SAPCD1: variants seen among roughly 807,000 people sequenced by gnomAD.
SAPCD1 encodes suppressor APC domain-containing protein 1.
In SAPCD1, 16 loss-of-function variants were observed where a neutral mutation model predicts 20.7. The observed-to-expected ratio is 0.77, with a 90% confidence interval of 0.52 to 1.17. The LOEUF is 1.17. SAPCD1 is among the 50% of genes most tolerant of loss of function. The probability of loss-of-function intolerance (pLI) is 0.00; values close to 1 mark genes in which losing one functional copy is unlikely to be tolerated. For synonymous variants in SAPCD1, 77 were observed against 84.8 expected, an observed-to-expected ratio of 0.91 and a Z score of 0.50; for missense variants, 173 against 209.9, an observed-to-expected ratio of 0.82 and a Z score of 1.09.
At position 31,763,445 on chromosome 6, in the gene SAPCD1, C is replaced by G. The variant is rs775599390; in HGVS notation, c.145C>G (p.Gln49Glu). The change falls in exon 2 of 5, where the codon CAG becomes GAG. Residue 49 changes from glutamine to glutamate, a missense_variant. Gln to Glu is a conservative substitution (Grantham distance 29). Coordinates refer to ENST00000415669, the Ensembl canonical transcript of SAPCD1. The surrounding 1 kb of genome is among the most constrained non-coding windows in gnomAD (Gnocchi z 4.9). ...CAGGATGCAGGCTCTGGAGAGAGAA[C>G]AGGATGCCCTGTGGCAGGGTCTGGA... 13 of 1,613,050 alleles carry G rather than the reference C, an allele frequency of 8.1e-6. No individual in the cohort carries two copies. Among genetic ancestry groups the G allele is most frequent in the Non-Finnish European group, 9.3e-6 (11 of 1,180,030 alleles).
Position 31,763,125 on chromosome 6 carries a change from G to A in SAPCD1, c.71G>A (p.Gly24Glu). 3.2e-6 allele frequency: 5 copies of A among 1,566,154 alleles called. No individual in the cohort carries two copies. The highest frequency in any genetic ancestry group is 4.3e-6 in the Non-Finnish European group (5 of 1,162,326). Residue 24 changes from glycine (G) to glutamate (E), a missense_variant, in exon 1 of 5, where the codon GGG becomes GAG. Coordinates refer to ENST00000415669, the Ensembl canonical transcript of SAPCD1. The surrounding 1 kb of genome is among the most constrained non-coding windows in gnomAD (Gnocchi z 4.9). The stretch of plus-strand genomic sequence containing the variant: ...TACACAGTCCTGCTGCTGCCGCTGG[G>A]GACAAGCCGCCAAGACCCAGGGGCC...
Position 31,764,477 on chromosome 6 carries a change from G to A in SAPCD1, c.483G>A (p.Glu161=). 6.2e-7 allele frequency: 1 copy of A among 1,614,164 alleles called. No individual in the cohort carries two copies. Among genetic ancestry groups the A allele is most frequent in the Non-Finnish European group, 8.5e-7 (1 of 1,180,030 alleles). ...AGAAAGGAGTCACCCAGCCAAAGGAGGAGATGGCTCAGCGGGGCTGCACCA... is the reference window on the plus strand; with the variant it reads ...AGAAAGGAGTCACCCAGCCAAAGGAAGAGATGGCTCAGCGGGGCTGCACCA... The change falls in exon 5 of 5, where the codon GAG becomes GAA. Residue 161 remains glutamate, a synonymous_variant. Coordinates refer to ENST00000415669, the Ensembl canonical transcript of SAPCD1. This position sits in a 1 kb window ranked among gnomAD's most constrained non-coding sequence, Gnocchi z 4.7.
Position 31,763,144 on chromosome 6 carries a change from A to G in SAPCD1, c.90A>G (p.Pro30=). 6.4e-7 allele frequency: 1 copy of G among 1,567,462 alleles called. No homozygotes were observed. The highest frequency in any genetic ancestry group is 8.6e-7 in the Non-Finnish European group (1 of 1,162,240). ...CGCTGGGGACAAGCCGCCAAGACCCAGGGGCCCAGAGCTTCTTCCTTTGGG... is the reference window on the plus strand; with the variant it reads ...CGCTGGGGACAAGCCGCCAAGACCCGGGGGCCCAGAGCTTCTTCCTTTGGG... Residue 30 remains proline (P), a synonymous_variant, in exon 1 of 5, where the codon CCA becomes CCG. Transcript: ENST00000415669. This position sits in a 1 kb window ranked among gnomAD's most constrained non-coding sequence, Gnocchi z 4.9.
chr6:31,764,620 C>A lies in SAPCD1; in HGVS notation c.*89C>A. The A allele has an allele frequency of 1.1e-6, 1 of 897,102 alleles. No individual in the cohort carries two copies. The highest frequency in any genetic ancestry group is 1.7e-6 in the Non-Finnish European group (1 of 582,530). The allele number at this position is 897,102 out of a possible 1,614,324, so 55.6% of individuals were successfully genotyped here. On this transcript the variant is annotated 3_prime_UTR_variant, in exon 5 of 5. Coordinates refer to ENST00000415669, the Ensembl canonical transcript of SAPCD1. The surrounding 1 kb of genome is among the most constrained non-coding windows in gnomAD (Gnocchi z 4.7). ...TCTTAACTCAACAGCTAAAAAATGGCTCCAGGTAGTGAGTCAATGAAGTTC... is the reference window on the plus strand; with the variant it reads ...TCTTAACTCAACAGCTAAAAAATGGATCCAGGTAGTGAGTCAATGAAGTTC...
rs779884186 is a variant in SAPCD1 at position 31,763,009 on chromosome 6, C to G, written c.-46C>G. The G allele has an allele frequency of 9.6e-6, 11 of 1,148,354 alleles. No homozygotes were observed. The highest frequency in any genetic ancestry group is 4.7e-5 in the African/African-American group (3 of 64,304). The allele number at this position is 1,148,354 out of a possible 1,614,324, so 71.1% of individuals were successfully genotyped here. On this transcript the variant is annotated 5_prime_UTR_variant, in exon 1 of 5. Transcript: ENST00000415669. This position sits in a 1 kb window ranked among gnomAD's most constrained non-coding sequence, Gnocchi z 4.9. ...CAGGGGTGGAGGGGAGGGACCAGCCCGGGCTGCACCAGTGGGAGTGGCTCC... is the reference window on the plus strand; with the variant it reads ...CAGGGGTGGAGGGGAGGGACCAGCCGGGGCTGCACCAGTGGGAGTGGCTCC...
At position 31,763,016 on chromosome 6, in the gene SAPCD1, C is replaced by T. The variant is rs373433052; in HGVS notation, c.-39C>T. ...GGAGGGGAGGGACCAGCCCGGGCTG[C>T]ACCAGTGGGAGTGGCTCCACCCTTC... On this transcript the variant is annotated 5_prime_UTR_variant, in exon 1 of 5. Transcript: ENST00000415669. This position sits in a 1 kb window ranked among gnomAD's most constrained non-coding sequence, Gnocchi z 4.9. The T allele has an allele frequency of 1.6e-4, 196 of 1,246,368 alleles. No homozygotes were observed. The highest frequency in any genetic ancestry group is 2.5e-4 in the Middle Eastern group (1 of 3,994). The allele number at this position is 1,246,368 out of a possible 1,614,324, so 77.2% of individuals were successfully genotyped here.
upstream of SAPCD1, chr6:31,762,989 G>A (rs538908647): frequency 3.6e-6 from 3 of 844,680 alleles, no homozygotes; most frequent in African/African-American, 1.7e-5. Flanking sequence ...CAAGGCAGGG[G>A]TGGAGGGGAG....
In SAPCD1 at chr6:31,763,471, G is replaced by C. The variant is rs761975586; in HGVS notation, c.171G>C (p.Glu57Asp). 4 of 1,612,974 alleles carry C rather than the reference G, an allele frequency of 2.5e-6. No homozygotes were observed. Among genetic ancestry groups the C allele is most frequent in the Non-Finnish European group, 3.4e-6 (4 of 1,179,950 alleles). Residue 57 changes from glutamate (E) to aspartate (D), a missense_variant, in exon 2 of 5, where the codon GAG (glutamate) becomes GAC (aspartate). Transcript: ENST00000415669. The surrounding 1 kb of genome is among the most constrained non-coding windows in gnomAD (Gnocchi z 4.9). Reference sequence around the variant, plus strand: ...AGGATGCCCTGTGGCAGGGTCTGGAGCTGCTACAGCATGGCCAGGCCTGGT... The same window carrying C: ...AGGATGCCCTGTGGCAGGGTCTGGACCTGCTACAGCATGGCCAGGCCTGGT...
chr6:31,764,430 C>T lies in SAPCD1; in HGVS notation c.442-6C>T, dbSNP rs9461719. ...AGCCCAGAGGCCCCATCTGTTTCTCCTCCAGGAGTTGTCAAGGCAGCAGAA... is the reference window on the plus strand; with the variant it reads ...AGCCCAGAGGCCCCATCTGTTTCTCTTCCAGGAGTTGTCAAGGCAGCAGAA... On this transcript the variant is annotated splice_region_variant and splice_polypyrimidine_tract_variant and intron_variant, in intron 4 of 4. Coordinates refer to ENST00000415669, the Ensembl canonical transcript of SAPCD1. This position sits in a 1 kb window ranked among gnomAD's most constrained non-coding sequence, Gnocchi z 4.7. 0.033 allele frequency: 54,045 copies of T among 1,613,894 alleles called. 1,407 individuals carry two copies. The highest frequency in any genetic ancestry group is 0.11 in the Middle Eastern group (684 of 6,060).
At position 31,763,608 on chromosome 6, in the gene SAPCD1, C is replaced by A; in HGVS notation, c.255+53C>A. ...GGGGGGAGGACCAGGGAGGGAGGAA[C>A]AGGGAATGTGTAGACACAGCCTGAG... On this transcript the variant is annotated intron_variant, in intron 2 of 4. Coordinates refer to ENST00000415669, the Ensembl canonical transcript of SAPCD1. The surrounding 1 kb of genome is among the most constrained non-coding windows in gnomAD (Gnocchi z 4.9). The A allele has an allele frequency of 6.5e-7, 1 of 1,539,170 alleles. No individual in the cohort carries two copies. Among genetic ancestry groups the A allele is most frequent in the Non-Finnish European group, 8.8e-7 (1 of 1,135,232 alleles).
upstream of SAPCD1, chr6:31,762,830 G>A (rs28399986): frequency 1.4e-3 from 747 of 545,118 alleles, 4 homozygotes; most frequent in African/African-American, 9.5e-3. Flanking sequence ...TCATGAGAAC[G>A]AACCCCTTCA....
chr6:31,763,743 G>A lies in SAPCD1; in HGVS notation c.255+188G>A, dbSNP rs1437092365. On this transcript the variant is annotated intron_variant, in intron 2 of 4. Coordinates refer to ENST00000415669, the Ensembl canonical transcript of SAPCD1. This position sits in a 1 kb window ranked among gnomAD's most constrained non-coding sequence, Gnocchi z 4.9. ...GTTGGTGTTCATTGTTGGGGCTGGA[G>A]GAAGCTGGTCTGCATTCCATTCAGA... 1.6e-6 allele frequency: 1 copy of A among 633,620 alleles called. No homozygotes were observed. The highest frequency in any genetic ancestry group is 2.7e-6 in the Non-Finnish European group (1 of 366,708). 39.2% of individuals were successfully genotyped at this position (633,620 alleles called of 1,614,324 possible). A position where few individuals can be genotyped will look rare whatever the true frequency, so the allele number is the denominator to read the frequency against.
In SAPCD1 at chr6:31,763,063, C is replaced by G; in HGVS notation, c.9C>G (p.Ser3Arg). Residue 3 changes from serine to arginine, a missense_variant, in exon 1 of 5, where the codon AGC becomes AGG. Physicochemically the swap from Ser to Arg is moderately radical, Grantham distance 110 (BLOSUM62 -1). Transcript: ENST00000415669. This position sits in a 1 kb window ranked among gnomAD's most constrained non-coding sequence, Gnocchi z 4.9. Reference sequence around the variant, plus strand: ...CTTCCCACCTCAGAGCCATGGGGAGCCAGGGCTCTGGCGGGGTGCCCTTGG... The same window carrying G: ...CTTCCCACCTCAGAGCCATGGGGAGGCAGGGCTCTGGCGGGGTGCCCTTGG... The G allele has an allele frequency of 6.3e-7, 1 of 1,576,298 alleles. No homozygotes were observed. Among genetic ancestry groups the G allele is most frequent in the Non-Finnish European group, 8.6e-7 (1 of 1,159,158 alleles).
Position 31,763,904 on chromosome 6 carries a change from C to G in SAPCD1, c.256-160C>G. Reference sequence around the variant, plus strand: ...TGAGGGAGATGGAGGAACTGATGTGCTAAAGAGATGGAGGTGGAGAGTACT... The same window carrying G: ...TGAGGGAGATGGAGGAACTGATGTGGTAAAGAGATGGAGGTGGAGAGTACT... On this transcript the variant is annotated intron_variant, in intron 2 of 4. Coordinates refer to ENST00000415669, the Ensembl canonical transcript of SAPCD1. This position sits in a 1 kb window ranked among gnomAD's most constrained non-coding sequence, Gnocchi z 4.9. The G allele has an allele frequency of 4.8e-6, 3 of 623,388 alleles. No individual in the cohort carries two copies. The highest frequency in any genetic ancestry group is 5.7e-6 in the Non-Finnish European group (2 of 349,226). The allele number at this position is 623,388 out of a possible 1,614,324, so 38.6% of individuals were successfully genotyped here.
At position 31,764,251 on chromosome 6, in the gene SAPCD1, G is replaced by A. The variant is rs753160424; in HGVS notation, c.352-15G>A. The A allele has an allele frequency of 1.1e-5, 17 of 1,612,618 alleles. No individual in the cohort carries two copies. Among genetic ancestry groups the A allele is most frequent in the East Asian group, 4.5e-5 (2 of 44,884 alleles). ...GTGCTGGCTTAACAGAAAACACAGC[G>A]AATTTCCCCTCCAGTTCTCCCCAAG... On this transcript the variant is annotated splice_polypyrimidine_tract_variant and intron_variant, in intron 3 of 4. Coordinates refer to ENST00000415669, the Ensembl canonical transcript of SAPCD1. This position sits in a 1 kb window ranked among gnomAD's most constrained non-coding sequence, Gnocchi z 4.7.
chr6:31,763,660 G>C lies in SAPCD1; in HGVS notation c.255+105G>C. 1 of 1,094,936 alleles carries C rather than the reference G, an allele frequency of 9.1e-7. No individual in the cohort carries two copies. Among genetic ancestry groups the C allele is most frequent in the Non-Finnish European group, 1.3e-6 (1 of 763,472 alleles). The allele number at this position is 1,094,936 out of a possible 1,614,324, so 67.8% of individuals were successfully genotyped here. The stretch of plus-strand genomic sequence containing the variant: ...CCACTCTGGAGAGGGGAGAGTTAAT[G>C]GTCAGGGATCATGAGTTGGAGGCAG... On this transcript the variant is annotated intron_variant, in intron 2 of 4. Coordinates refer to ENST00000415669, the Ensembl canonical transcript of SAPCD1. The surrounding 1 kb of genome is among the most constrained non-coding windows in gnomAD (Gnocchi z 4.9).
At position 31,764,675 on chromosome 6, in the gene SAPCD1, C is replaced by T; in HGVS notation, c.*144C>T. ...ATGTTGGTGTAAAGTTTCTCCTCTG[C>T]TCCTGAAAACTTCATCTTCTTGGTG... On this transcript the variant is annotated 3_prime_UTR_variant, in exon 5 of 5. Coordinates refer to ENST00000415669, the Ensembl canonical transcript of SAPCD1. The surrounding 1 kb of genome is among the most constrained non-coding windows in gnomAD (Gnocchi z 4.7). 1 of 616,516 alleles carries T rather than the reference C, an allele frequency of 1.6e-6. No homozygotes were observed. Among genetic ancestry groups the T allele is most frequent in the South Asian group, 2.0e-5 (1 of 48,850 alleles). The allele number at this position is 616,516 out of a possible 1,614,324, so 38.2% of individuals were successfully genotyped here.
At position 31,764,618 on chromosome 6, in the gene SAPCD1, G is replaced by A; in HGVS notation, c.*87G>A. ...TTTCTTAACTCAACAGCTAAAAAAT[G>A]GCTCCAGGTAGTGAGTCAATGAAGT... On this transcript the variant is annotated 3_prime_UTR_variant, in exon 5 of 5. Coordinates refer to ENST00000415669, the Ensembl canonical transcript of SAPCD1. This position sits in a 1 kb window ranked among gnomAD's most constrained non-coding sequence, Gnocchi z 4.7. The A allele has an allele frequency of 1.1e-6, 1 of 928,104 alleles. No homozygotes were observed. The highest frequency in any genetic ancestry group is 1.6e-6 in the Non-Finnish European group (1 of 609,362). The allele number at this position is 928,104 out of a possible 1,614,324, so 57.5% of individuals were successfully genotyped here.
rs143358494 is a variant in SAPCD1 at position 31,763,158 on chromosome 6, T to G, written c.104T>G (p.Phe35Cys). ...CGCCAAGACCCAGGGGCCCAGAGCT[T>G]CTTCCTTTGGGTGAGTATCAGCCCA... Residue 35 changes from phenylalanine to cysteine, a missense_variant, in exon 1 of 5, where the codon TTC becomes TGC. Physicochemically the swap from Phe to Cys is radical, Grantham distance 205. Transcript: ENST00000415669. The surrounding 1 kb of genome is among the most constrained non-coding windows in gnomAD (Gnocchi z 4.9). 614 of 1,561,438 alleles carry G rather than the reference T, an allele frequency of 3.9e-4. 1 individual carries two copies. The highest frequency in any genetic ancestry group is 4.6e-4 in the Non-Finnish European group (531 of 1,156,248).
Sources: gnomAD v4.1 joint callset for allele counts on GRCh38, gnomAD v4.1.1 for gene constraint, Gnocchi (gnomAD v3.1) non-coding constraint, MANE v1.5 for transcripts, NCBI Gene and HGNC (gene_info 2026-07-23, HGNC 2026-07-21) for gene names.